The following NACC2 variants were observed in gnomAD, a reference collection of about 807,000 sequenced individuals.
NACC2 encodes the protein nucleus accumbens-associated protein 2.
In NACC2, 8 loss-of-function variants were observed where a neutral mutation model predicts 25.1. The observed-to-expected ratio is 0.32, with a 90% CI of 0.19 to 0.57. The LOEUF (loss-of-function observed/expected upper bound fraction) is 0.57. Among genes scored for constraint, NACC2 ranks in the 20% least tolerant of loss-of-function variants. NACC2 has a pLI of 0.89. For missense variants in NACC2, 644 were observed against 650.2 expected (o/e 0.99, Z 0.10); for synonymous variants, 435 against 294.7 (o/e 1.48, Z -4.88).
rs914233098 is a variant in NACC2, at chr9:136,018,981, G to A, written c.887-2552C>T. ...TGCTTGGAACACCCGCCCCTCCCCA[G>A]CCCCTGCCCAGCTCCCCAAGAGCCA... On this transcript the variant is annotated intron_variant, in intron 2 of 5. Transcript: ENST00000277554. The surrounding 1 kb of genome is among the most constrained non-coding windows in gnomAD (Gnocchi z 4.4). Among the ~76,000 whole-genome samples, 4 of 149,380 alleles carry A rather than the reference G, an allele frequency of 2.7e-5. No homozygotes were observed. The highest frequency in any genetic ancestry group is 4.9e-5 in the African/African-American group (2 of 40,896).
intron 1 of NACC2, among the ~76,000 whole-genome samples, chr9:136,063,170 C>T (rs1778630437): frequency 6.6e-6 from 1 of 152,190 alleles, no homozygotes; most frequent in South Asian, 2.1e-4. Flanking sequence ...GTGGTTTGAG[C>T]CGCATTCCCA....
rs996611105 is a variant in NACC2 at position 136,055,811 on chromosome 9, G to A, written c.-59-5231C>T. ...GGAGAGTCCCTCTACCCCGAGCCCC[G>A]GCCCCTGGTGGAGACTGCCTGGCAG... On this transcript the variant is annotated intron_variant, in intron 1 of 5. Coordinates refer to ENST00000277554, the MANE Select transcript of NACC2 (RefSeq NM_144653.5). This position sits in a 1 kb window ranked among gnomAD's most constrained non-coding sequence, Gnocchi z 4.9. 5.3e-5 allele frequency among the ~76,000 whole-genome samples: 8 copies of A among 152,082 alleles called. No individual in the cohort carries two copies. The highest frequency in any genetic ancestry group is 2.0e-4 in the Admixed American group (3 of 15,272).
Position 136,059,612 on chromosome 9 carries a change from G to A in NACC2, c.-59-9032C>T, listed in dbSNP as rs114329830. Among the ~76,000 whole-genome samples the A allele has an allele frequency of 2.9e-3, 440 of 152,348 alleles. 1 individual carries two copies. The highest frequency in any genetic ancestry group is 1.0e-2 in the African/African-American group (414 of 41,570). On this transcript the variant is annotated intron_variant, in intron 1 of 5. Transcript: ENST00000277554. The stretch of plus-strand genomic sequence containing the variant: ...TCCAGCAACGCGTCCAGGTCAGCAG[G>A]CCCAGCAAGGAACCTGAGCAGGCCG...
At chr9:136,045,412 T>TCACGGGCCCACG (rs1588569482) in intron 2 of NACC2, among the ~76,000 whole-genome samples, 2 of 152,050 alleles carry the variant, frequency 1.3e-5, no homozygotes, top group African/African-American at 2.4e-5. Context: ...AGGGTTACCG[T>TCACGGGCCCACG]GGAAGTGTGC....
At chr9:136,074,261 T>C (rs1308625672) in intron 1 of NACC2, among the ~76,000 whole-genome samples, 1 of 150,284 alleles carries the variant, frequency 6.7e-6, no homozygotes, top group African/African-American at 2.5e-5. Context: ...CCATCCTGGC[T>C]AACACGGTGA....
rs557271675 is a variant in NACC2, at chr9:136,013,015, C to T, written c.1255+184G>A. Among the ~76,000 whole-genome samples, 8 of 152,370 alleles carry T rather than the reference C, an allele frequency of 5.3e-5. No individual in the cohort carries two copies. Among genetic ancestry groups the T allele is most frequent in the African/African-American group, 1.2e-4 (5 of 41,588 alleles). ...AAACCTACCAAGAACGTTAACACCT[C>T]GAGACCTGGCTTCTGAGAGCTGCTC... On this transcript the variant is annotated intron_variant, in intron 5 of 5. Transcript: ENST00000277554. This position sits in a 1 kb window ranked among gnomAD's most constrained non-coding sequence, Gnocchi z 6.6.
chr9:136,055,828 G>C lies in NACC2; in HGVS notation c.-59-5248C>G, dbSNP rs934402780. Among the ~76,000 whole-genome samples, 19 of 152,268 alleles carry C rather than the reference G, an allele frequency of 1.2e-4. No individual in the cohort carries two copies. The highest frequency in any genetic ancestry group is 3.4e-3 in the Middle Eastern group (1 of 294). ...CGAGCCCCGGCCCCTGGTGGAGACT[G>C]CCTGGCAGTTAGTTAAGTGAGGACA... On this transcript the variant is annotated intron_variant, in intron 1 of 5. Transcript: ENST00000277554. This position sits in a 1 kb window ranked among gnomAD's most constrained non-coding sequence, Gnocchi z 4.9.
rs941121691 is a variant in NACC2, at chr9:136,084,559, G to A, written c.-60+10630C>T. On this transcript the variant is annotated intron_variant, in intron 1 of 5. Transcript: ENST00000277554. The surrounding 1 kb of genome is among the most constrained non-coding windows in gnomAD (Gnocchi z 5.1). ...GCCCAGACCCCGGAGTCAGGGTCAC[G>A]AAGGCCATGGAAAGGCCACAGAATA... Among the ~76,000 whole-genome samples, 1 of 152,162 alleles carries A rather than the reference G, an allele frequency of 6.6e-6. No homozygotes were observed. Among genetic ancestry groups the A allele is most frequent in the Admixed American group, 6.5e-5 (1 of 15,280 alleles).
intron 1 of NACC2, among the ~76,000 whole-genome samples, chr9:136,092,015 C>T (rs1402311081): frequency 6.6e-6 from 1 of 152,200 alleles, no homozygotes; most frequent in Non-Finnish European, 1.5e-5. Flanking sequence ...TCTGGACAGG[C>T]TGAAAGGGAA....
rs1355020512 is a variant in NACC2 at position 136,049,706 on chromosome 9, G to A, written c.816C>T (p.Asp272=). The A allele has an allele frequency of 1.0e-5, 8 of 779,298 alleles. No individual in the cohort carries two copies. Among genetic ancestry groups the A allele is most frequent in the African/African-American group, 5.1e-5 (3 of 59,028 alleles). The allele number at this position is 779,298 out of a possible 1,614,324, so 48.3% of individuals were successfully genotyped here. A position where few individuals can be genotyped will look rare whatever the true frequency, so the allele number is the denominator to read the frequency against. The stretch of plus-strand genomic sequence containing the variant: ...CCTCCACCATGGTGTCGTAGGCCTC[G>A]TCGTCCTCCTCGTCCTCCTCGTTGT... ...SYHNEEDEED[D]EAYDTMVEEQ... The change falls in exon 2 of 6, where the codon GAC becomes GAT. Residue 272 remains aspartate, a synonymous_variant. Coordinates refer to ENST00000277554, the MANE Select transcript of NACC2 (RefSeq NM_144653.5).
chr9:136,052,158 G>GC (rs1714279864), intron 1 of NACC2, among the ~76,000 whole-genome samples: 1 of 152,228 alleles, frequency 6.6e-6, no homozygotes, highest in Non-Finnish European at 1.5e-5. Flanking sequence ...GGAATGCGCG[G>GC]CCCCGGGTGC....
chr9:136,024,092 A>AGT lies in NACC2; in HGVS notation c.887-7665_887-7664dup, dbSNP rs569563668. 2.4e-3 allele frequency among the ~76,000 whole-genome samples: 353 copies of AGT among 147,408 alleles called. 2 individuals are homozygous for AGT. The highest frequency in any genetic ancestry group is 5.2e-3 in the African/African-American group (205 of 39,742). On this transcript the variant is annotated intron_variant, in intron 2 of 5. Coordinates refer to ENST00000277554, the MANE Select transcript of NACC2 (RefSeq NM_144653.5). ...AGGCCAGAGTGTGAGTGAGGGCCAG[A>AGT]GTGTGTGTGTGTGTGGGTGAGGACA...
chr9:136,048,825 G>A (rs1418943195), intron 2 of NACC2, among the ~76,000 whole-genome samples: 1 of 152,234 alleles, frequency 6.6e-6, no homozygotes, highest in South Asian at 2.1e-4. Flanking sequence ...AGGGCACAGG[G>A]ATATGCGTGG....
At chr9:136,041,039 AAAGGAAGG>A (rs1163209247) in intron 2 of NACC2, among the ~76,000 whole-genome samples, 1 of 150,184 alleles carries the variant, frequency 6.7e-6, no homozygotes, top group Admixed American at 6.6e-5. Context: ...GAAGGAAAGA[AAAGGAAGG>A]AAGGAAGGAA....
rs11315582 is a variant in NACC2, at chr9:136,063,883, C to CAA, written c.-59-13305_-59-13304dup. Among the ~76,000 whole-genome samples, 978 of 127,576 alleles carry CAA rather than the reference C, an allele frequency of 7.7e-3. 17 individuals carry two copies. Among genetic ancestry groups the CAA allele is most frequent in the Admixed American group, 0.031 (394 of 12,516 alleles). The allele number at this position is 127,576 out of a possible 152,430, so 83.7% of individuals were successfully genotyped here. On this transcript the variant is annotated intron_variant, in intron 1 of 5. Transcript: ENST00000277554. ...TGGGAAACAGAGCGAGACTCCATCTCAAAAAAAAAAAAAACAAAAAAAACA... is the reference window on the plus strand; with the variant it reads ...TGGGAAACAGAGCGAGACTCCATCTCAAAAAAAAAAAAAAAACAAAAAAAACA...
At chr9:136,044,120 T>C (rs1440411578) in intron 2 of NACC2, among the ~76,000 whole-genome samples, 2 of 152,066 alleles carry the variant, frequency 1.3e-5, no homozygotes, top group Non-Finnish European at 2.9e-5. Context: ...CCACCACGCC[T>C]GGCCAATACA....
chr9:136,060,645 C>T (rs1224560443), intron 1 of NACC2, among the ~76,000 whole-genome samples: 1 of 152,138 alleles, frequency 6.6e-6, no homozygotes, highest in African/African-American at 2.4e-5. Context: ...ACCCCAGCAC[C>T]ACATGCTTAG....
intron 1 of NACC2, among the ~76,000 whole-genome samples, chr9:136,070,887 CAT>C (rs1335103024): frequency 1.3e-5 from 2 of 151,722 alleles, no homozygotes; most frequent in Non-Finnish European, 2.9e-5. Context: ...AAACAGGAGA[CAT>C]AATTACAGAC....
chr9:136,022,513 G>A lies in NACC2; in HGVS notation c.887-6084C>T, dbSNP rs1379924900. Among the ~76,000 whole-genome samples, 5 of 152,322 alleles carry A rather than the reference G, an allele frequency of 3.3e-5. No individual in the cohort carries two copies. The East Asian group carries it at 9.6e-4, about 29-fold the overall frequency. On this transcript the variant is annotated intron_variant, in intron 2 of 5. Coordinates refer to ENST00000277554, the MANE Select transcript of NACC2 (RefSeq NM_144653.5). The surrounding 1 kb of genome is among the most constrained non-coding windows in gnomAD (Gnocchi z 4.4). ...TTTAGTGTGGTCACTGCAGCTCGGGGAGACCTGCCTTCCCTGCTGTTGCCC... is the reference window on the plus strand; with the variant it reads ...TTTAGTGTGGTCACTGCAGCTCGGGAAGACCTGCCTTCCCTGCTGTTGCCC...
Sources: gnomAD v4.1 joint callset for allele counts (sites outside exome capture counted in the v4.1 genomes callset) on GRCh38, gnomAD v4.1.1 for gene constraint, Gnocchi (gnomAD v3.1) non-coding constraint, MANE v1.5 for transcripts, NCBI Gene and HGNC (gene_info 2026-07-23, HGNC 2026-07-21) for gene names.